The following ADGRB2 variants were observed in gnomAD, a reference collection of about 807,000 sequenced individuals.
The protein encoded by ADGRB2 is adhesion G protein-coupled receptor B2, also known as brain-specific angiogenesis inhibitor 2.
ADGRB2 carries 47 observed loss-of-function variants against 178.7 expected under a neutral mutation model. That is an observed-to-expected ratio of 0.26 (90% CI 0.21 to 0.34). The LOEUF is 0.34. ADGRB2 is among the 10% of genes least tolerant of loss of function. The pLI is 1.00. For synonymous variants in ADGRB2, 870 were observed against 912.4 expected, an observed-to-expected ratio of 0.95 and a Z score of 0.84; for missense variants, 1,584 against 2,180.8, an observed-to-expected ratio of 0.73 and a Z score of 5.45.
chr1:31,728,736 G>A lies in ADGRB2; in HGVS notation c.4381-103C>T. The A allele has an allele frequency of 7.1e-7, 1 of 1,415,820 alleles. No individual in the cohort carries two copies. 87.7% of individuals were successfully genotyped at this position (1,415,820 alleles called of 1,614,324 possible). A position where few individuals can be genotyped will look rare whatever the true frequency, so the allele number is the denominator to read the frequency against. On this transcript the variant is annotated intron_variant, in intron 29 of 32. Coordinates refer to ENST00000373658, the MANE Select transcript of ADGRB2 (RefSeq NM_001364857.2). The surrounding 1 kb of genome is among the most constrained non-coding windows in gnomAD (Gnocchi z 6.7). ...CTGGCATCCCAGGGGTCTGCCCGCTGCACCTTCCCCCCAACCCAGGCCCAG... is the reference window on the plus strand; with the variant it reads ...CTGGCATCCCAGGGGTCTGCCCGCTACACCTTCCCCCCAACCCAGGCCCAG...
intron 14 of ADGRB2, 44 bp from the exon 15 acceptor site, chr1:31,739,679 A>C: frequency 5.2e-6 from 8 of 1,537,852 alleles, no homozygotes; most frequent in Non-Finnish European, 6.1e-6. Context: ...GAGGGGCAGA[A>C]ACAAAGGGTG....
Position 31,742,168 on chromosome 1 carries a change from G to A in ADGRB2, c.1302C>T (p.Ser434=). The change falls in exon 8 of 33, where the codon TCC becomes TCT. Residue 434 remains serine, a synonymous_variant. Coordinates refer to ENST00000373658, the MANE Select transcript of ADGRB2 (RefSeq NM_001364857.2). The part of the protein sequence containing the change: ...EWGPWGPCST[S]CANGTQQRSR... Reference sequence around the variant, plus strand: ...TGCGCTGTTGGGTCCCATTGGCACAGGACGTGGAGCATGGGCCCCAGGGAC... The same window carrying A: ...TGCGCTGTTGGGTCCCATTGGCACAAGACGTGGAGCATGGGCCCCAGGGAC... 1 of 1,612,970 alleles carries A rather than the reference G, an allele frequency of 6.2e-7. No homozygotes were observed. The highest frequency in any genetic ancestry group is 8.5e-7 in the Non-Finnish European group (1 of 1,179,616).
At chr1:31,750,135 C>G (rs1328318196) in intron 4 of ADGRB2, among the ~76,000 whole-genome samples, 1 of 152,162 alleles carries the variant, frequency 6.6e-6, no homozygotes, top group Non-Finnish European at 1.5e-5. Flanking sequence ...TGTCAGTTGC[C>G]ACCTCCTCCA....
chr1:31,733,762 A>G lies in ADGRB2; in HGVS notation c.3453-619T>C, dbSNP rs558968588. On this transcript the variant is annotated intron_variant, in intron 25 of 32. Transcript: ENST00000373658. This position sits in a 1 kb window ranked among gnomAD's most constrained non-coding sequence, Gnocchi z 4.3. Reference sequence around the variant, plus strand: ...GCTCAGAGCCTTGGGCAGAAGGCTCAGAGCTGGGGCTAAAAGCTGGGGTCG... The same window carrying G: ...GCTCAGAGCCTTGGGCAGAAGGCTCGGAGCTGGGGCTAAAAGCTGGGGTCG... Among the ~76,000 whole-genome samples, 1 of 152,276 alleles carries G rather than the reference A, an allele frequency of 6.6e-6. No individual in the cohort carries two copies. The highest frequency in any genetic ancestry group is 1.9e-4 in the East Asian group (1 of 5,180).
In ADGRB2 at chr1:31,727,450, T is replaced by C. The variant is rs760834937; in HGVS notation, c.4728A>G (p.Pro1576=). 3 of 1,587,224 alleles carry C rather than the reference T, an allele frequency of 1.9e-6. No homozygotes were observed. The highest frequency in any genetic ancestry group is 2.6e-6 in the Non-Finnish European group (3 of 1,172,314). ...HRAAAWEPTE[P]PDGDFQTEV ...CCTCTGTCTGGAAGTCACCATCCGG[T>C]GGTTCTGTGGGCTCCCAGGCTGCTG... The change falls in exon 33 of 33, where the codon CCA becomes CCG. Residue 1576 remains proline, a synonymous_variant. Coordinates refer to ENST00000373658, the MANE Select transcript of ADGRB2 (RefSeq NM_001364857.2). This position sits in a 1 kb window ranked among gnomAD's most constrained non-coding sequence, Gnocchi z 4.4.
rs71006321 is a variant in ADGRB2, at chr1:31,728,803, AACACACAC to A, written c.4381-178_4381-171del. 8.8e-4 allele frequency among the ~76,000 whole-genome samples: 102 copies of A among 115,526 alleles called. 1 individual carries two copies. The East Asian group carries it at 0.012, about 13-fold the overall frequency. 75.8% of individuals were successfully genotyped at this position (115,526 alleles called of 152,430 possible). On this transcript the variant is annotated intron_variant, in intron 29 of 32. Transcript: ENST00000373658. The surrounding 1 kb of genome is among the most constrained non-coding windows in gnomAD (Gnocchi z 6.7). ...TGGGGCAGCTTTTCAGGCCTCACTG[AACACACAC>A]ACACACACACACACACACACACACA...
Position 31,741,128 on chromosome 1 carries a change from C to T in ADGRB2, c.1794+245G>A, listed in dbSNP as rs1419541205. On this transcript the variant is annotated intron_variant, in intron 11 of 32. Transcript: ENST00000373658. This position sits in a 1 kb window ranked among gnomAD's most constrained non-coding sequence, Gnocchi z 6.5. Reference sequence around the variant, plus strand: ...CACACACAGACACTTGGATGAGCACCTAATGACTGAGGAGCTCATTCTGCA... The same window carrying T: ...CACACACAGACACTTGGATGAGCACTTAATGACTGAGGAGCTCATTCTGCA... 6.6e-6 allele frequency among the ~76,000 whole-genome samples: 1 copy of T among 152,146 alleles called. No homozygotes were observed.
intron 4 of ADGRB2, among the ~76,000 whole-genome samples, chr1:31,746,900 T>TGCTCTGAC (rs1646304986): frequency 1.3e-5 from 2 of 152,142 alleles, no homozygotes; most frequent in Non-Finnish European, 2.9e-5. Context: ...GGAGAGGCCC[T>TGCTCTGAC]CCTCTGACCC....
rs1440032897 is a variant in ADGRB2, at chr1:31,739,352, A to G, written c.2451T>C (p.Gly817=). The change falls in exon 15 of 33, where the codon GGT becomes GGC. Residue 817 remains glycine (G), a synonymous_variant. Coordinates refer to ENST00000373658, the MANE Select transcript of ADGRB2 (RefSeq NM_001364857.2). The part of the protein sequence containing the change: ...DPDESSYFVI[G]AVLYRTLGLI... ...GGCCAAGGGTGCGGTAGAGTACAGC[A>G]CCGATCACAAAGTAGGAGGACTCAT... is the stretch of plus-strand genomic sequence containing the variant. 1 of 1,496,116 alleles carries G rather than the reference A, an allele frequency of 6.7e-7. No individual in the cohort carries two copies. The highest frequency in any genetic ancestry group is 8.9e-7 in the Non-Finnish European group (1 of 1,120,366). The allele number at this position is 1,496,116 out of a possible 1,614,324, so 92.7% of individuals were successfully genotyped here.
In ADGRB2 at chr1:31,756,855, C is replaced by G; in HGVS notation, c.22-40G>C. ...AGTGGTCAGCGGGCCCCCAGCACAG[C>G]CAGCATGGGCTCTGAACCTTCTATG... On this transcript the variant is annotated intron_variant, in intron 3 of 32. Transcript: ENST00000373658. This position sits in a 1 kb window ranked among gnomAD's most constrained non-coding sequence, Gnocchi z 8.5. 1 of 1,443,688 alleles carries G rather than the reference C, an allele frequency of 6.9e-7. No homozygotes were observed. Among genetic ancestry groups the G allele is most frequent in the Non-Finnish European group, 9.2e-7 (1 of 1,092,542 alleles). 89.4% of individuals were successfully genotyped at this position (1,443,688 alleles called of 1,614,324 possible). A position where few individuals can be genotyped will look rare whatever the true frequency, so the allele number is the denominator to read the frequency against.
At position 31,728,307 on chromosome 1, in the gene ADGRB2, C is replaced by T. The variant is rs770397526; in HGVS notation, c.4417-27G>A. 5.0e-6 allele frequency: 8 copies of T among 1,606,772 alleles called. No individual in the cohort carries two copies. The highest frequency in any genetic ancestry group is 3.3e-5 in the Admixed American group (2 of 59,852). On this transcript the variant is annotated intron_variant, in intron 30 of 32. Coordinates refer to ENST00000373658, the MANE Select transcript of ADGRB2 (RefSeq NM_001364857.2). The surrounding 1 kb of genome is among the most constrained non-coding windows in gnomAD (Gnocchi z 6.7). ...TAGGGGCCACAGGGCATCAGAGGGT[C>T]GCTCCCCGGGGCAGCACCATGATCC...
Position 31,740,499 on chromosome 1 carries a change from C to T in ADGRB2, c.1837G>A (p.Glu613Lys), listed in dbSNP as rs188652714. 5.0e-6 allele frequency: 8 copies of T among 1,612,436 alleles called. No individual in the cohort carries two copies. The highest frequency in any genetic ancestry group is 1.1e-5 in the South Asian group (1 of 90,898). Residue 613 changes from glutamate to lysine, a missense_variant, in exon 12 of 33, where the codon GAG becomes AAG. By Grantham distance (56) the Glu-to-Lys change is moderately conservative. Coordinates refer to ENST00000373658, the MANE Select transcript of ADGRB2 (RefSeq NM_001364857.2). This position sits in a 1 kb window ranked among gnomAD's most constrained non-coding sequence, Gnocchi z 5.9. ...LAKGQRMLAG[E>K]GMSQVVRSLQ... ...CTGCGCACCACCTGCGACATGCCCT[C>T]GCCTGCCAGCATGCGCTGCCCCTTG...
Position 31,758,531 on chromosome 1 carries a change from A to T in ADGRB2, c.-190-1020T>A, listed in dbSNP as rs561532612. Reference sequence around the variant, plus strand: ...AAACAGCAGGCAGAGGGGGGACAGAATTTAGAACCCCAACTTTCCAGTCCC... The same window carrying T: ...AAACAGCAGGCAGAGGGGGGACAGATTTTAGAACCCCAACTTTCCAGTCCC... On this transcript the variant is annotated intron_variant, in intron 1 of 32. Transcript: ENST00000373658. The surrounding 1 kb of genome is among the most constrained non-coding windows in gnomAD (Gnocchi z 4.2). 6.5e-6 allele frequency: 1 copy of T among 152,874 alleles called. No individual in the cohort carries two copies. Among genetic ancestry groups the T allele is most frequent in the Non-Finnish European group, 1.5e-5 (1 of 68,274 alleles). 9.5% of individuals were successfully genotyped at this position (152,874 alleles called of 1,614,324 possible).
At chr1:31,760,890 A>G in intron 1 of ADGRB2, 1 of 150,892 alleles carries the variant, frequency 6.6e-6, no homozygotes, top group Admixed American at 6.6e-5. Flanking sequence ...GGAGGGAGCG[A>G]CCCCCTCTGT....
Position 31,727,540 on chromosome 1 carries a change from G to A in ADGRB2, c.4638C>T (p.Thr1546=), listed in dbSNP as rs774380586. The part of the protein sequence containing the change: ...SQHRRHQSWS[T]FKSMTLGSLP... Reference sequence around the variant, plus strand: ...GCGAGCCCAGTGTCATAGATTTGAAGGTGCTCCAGCTCTGATGGCGCCGAT... The same window carrying A: ...GCGAGCCCAGTGTCATAGATTTGAAAGTGCTCCAGCTCTGATGGCGCCGAT... The change falls in exon 33 of 33, where the codon ACC becomes ACT. Residue 1546 remains threonine (T), a synonymous_variant. Transcript: ENST00000373658. This position sits in a 1 kb window ranked among gnomAD's most constrained non-coding sequence, Gnocchi z 4.4. 1.2e-5 allele frequency: 19 copies of A among 1,597,410 alleles called. No individual in the cohort carries two copies. Among genetic ancestry groups the A allele is most frequent in the Admixed American group, 1.8e-5 (1 of 54,946 alleles).
intron 27 of ADGRB2, 35 bp from the exon 28 acceptor site, chr1:31,732,189 G>T: frequency 6.2e-7 from 1 of 1,613,820 alleles, no homozygotes. Flanking sequence ...GTGGGCAGAG[G>T]GAGGATTAAT....
At position 31,744,845 on chromosome 1, in the gene ADGRB2, A is replaced by G. The variant is rs1227752256; in HGVS notation, c.839-114T>C. On this transcript the variant is annotated intron_variant, in intron 4 of 32. Transcript: ENST00000373658. This position sits in a 1 kb window ranked among gnomAD's most constrained non-coding sequence, Gnocchi z 6.7. ...CGCCTGAGGGCCTGGAACCAACTGC[A>G]TGATGCTCTCTCAGGATCACATTCT... is the stretch of plus-strand genomic sequence containing the variant. 1.2e-5 allele frequency: 11 copies of G among 956,378 alleles called. No individual in the cohort carries two copies. The highest frequency in any genetic ancestry group is 1.8e-5 in the Non-Finnish European group (11 of 601,524). 59.2% of individuals were successfully genotyped at this position (956,378 alleles called of 1,614,324 possible).
intron 4 of ADGRB2, among the ~76,000 whole-genome samples, chr1:31,745,150 T>C (rs1372096080): frequency 6.6e-6 from 1 of 152,230 alleles, no homozygotes; most frequent in Non-Finnish European, 1.5e-5. Context: ...GGAAGTGCCT[T>C]GTCCAAGAGC....
intron 25 of ADGRB2, among the ~76,000 whole-genome samples, chr1:31,734,510 T>C (rs759827607): frequency 5.3e-5 from 8 of 152,248 alleles, no homozygotes; most frequent in Non-Finnish European, 1.2e-4. Context: ...TCCCTGACCC[T>C]GCAGGTGTGC....
Sources: allele counts gnomAD v4.1 joint callset (sites outside exome capture counted in the v4.1 genomes callset), GRCh38; gene constraint gnomAD v4.1.1; non-coding constraint Gnocchi (gnomAD v3.1); transcripts MANE v1.5; gene names NCBI Gene and HGNC (gene_info 2026-07-23, HGNC 2026-07-21).